PPA2: variants seen among roughly 807,000 people sequenced by gnomAD.
PPA2 encodes the protein inorganic pyrophosphatase 2, mitochondrial.
PPA2 carries 48 observed loss-of-function variants against 49.5 expected under a neutral mutation model. That is an observed-to-expected ratio of 0.97 (90% CI 0.77 to 1.23). The LOEUF (loss-of-function observed/expected upper bound fraction) is 1.23. Ranked by LOEUF, PPA2 falls within the 50% of genes most tolerant of loss-of-function variation. PPA2 has a pLI of 0.00. For synonymous variants in PPA2, 131 were observed against 139.9 expected (o/e 0.94, Z 0.45); for missense variants, 429 against 410.1 (o/e 1.05, Z -0.40).
At chr4:105,415,509 C>G (rs1408123532) in intron 7 of PPA2, among the ~76,000 whole-genome samples, 2 of 152,168 alleles carry the variant, frequency 1.3e-5, no homozygotes, top group Non-Finnish European at 1.5e-5. Flanking sequence ...TGGGGAGAGG[C>G]CAGGCAGCAG....
chr4:105,416,279 T>C (rs991412519), intron 7 of PPA2, among the ~76,000 whole-genome samples: 1 of 152,192 alleles, frequency 6.6e-6, no homozygotes, highest in African/African-American at 2.4e-5. Context: ...GAAGAAAGCA[T>C]ACAATCGGCT....
intron 9 of PPA2, among the ~76,000 whole-genome samples, chr4:105,392,017 A>C (rs189951360): frequency 4.0e-5 from 5 of 125,320 alleles, no homozygotes; most frequent in Admixed American, 4.0e-4. Flanking sequence ...AGATGGATCA[A>C]AATAAATAAT....
At position 105,396,346 on chromosome 4, in the gene PPA2, C is replaced by A; in HGVS notation, c.784-12G>T. 1.4e-6 allele frequency: 2 copies of A among 1,451,176 alleles called. No homozygotes were observed. Among genetic ancestry groups the A allele is most frequent in the Non-Finnish European group, 1.8e-6 (2 of 1,090,684 alleles). The allele number at this position is 1,451,176 out of a possible 1,614,324, so 89.9% of individuals were successfully genotyped here. A position where few individuals can be genotyped will look rare whatever the true frequency, so the allele number is the denominator to read the frequency against. ...TCAAGAGCAAAAGCCTAGCTCCAAACAAACAAATAAAAAAAGACGTATTTA... is the reference window on the plus strand; with the variant it reads ...TCAAGAGCAAAAGCCTAGCTCCAAAAAAACAAATAAAAAAAGACGTATTTA... On this transcript the variant is annotated splice_polypyrimidine_tract_variant and intron_variant, in intron 8 of 11. Transcript: ENST00000341695.
At chr4:105,455,632 A>C (rs547568248) in intron 2 of PPA2, among the ~76,000 whole-genome samples, 3 of 152,364 alleles carry the variant, frequency 2.0e-5, no homozygotes, top group Admixed American at 6.5e-5. Flanking sequence ...AGCACTTGAT[A>C]AATTATTGAT....
At chr4:105,409,642 G>C (rs951152211) in intron 7 of PPA2, among the ~76,000 whole-genome samples, 47 of 152,200 alleles carry the variant, frequency 3.1e-4, no homozygotes, top group Admixed American at 3.1e-3. Flanking sequence ...CCCAGTAGGG[G>C]CCGACAGACA....
At position 105,437,991 on chromosome 4, in the gene PPA2, C is replaced by T; in HGVS notation, c.487G>A (p.Gly163Arg). The change falls in exon 6 of 12, where the codon GGA becomes AGA. Residue 163 changes from glycine (G) to arginine (R), a missense_variant. Gly to Arg is a moderately radical substitution (Grantham distance 125, BLOSUM62 -2). Coordinates refer to ENST00000341695, the MANE Select transcript of PPA2 (RefSeq NM_176869.3). The stretch of plus-strand genomic sequence containing the variant: ...CAAACATCAATAGGATCATTATCTC[C>T]AAAGCAGTTCGTGCTCTTATCTTTT... ...HEKDKSTNCF[G>R]DNDPIDVCEI... is the part of the protein sequence containing the mutation. The T allele has an allele frequency of 6.2e-7, 1 of 1,609,718 alleles. No individual in the cohort carries two copies. Among genetic ancestry groups the T allele is most frequent in the Non-Finnish European group, 8.5e-7 (1 of 1,178,878 alleles).
intron 1 of PPA2, among the ~76,000 whole-genome samples, chr4:105,465,185 C>T (rs570975322): frequency 2.6e-5 from 4 of 152,198 alleles, no homozygotes; most frequent in Non-Finnish European, 4.4e-5. Flanking sequence ...ATAATTCTTA[C>T]ACTCAGGTGT....
chr4:105,400,529 A>T (rs1182647168), intron 7 of PPA2, among the ~76,000 whole-genome samples: 1 of 152,116 alleles, frequency 6.6e-6, no homozygotes, highest in Non-Finnish European at 1.5e-5. Flanking sequence ...GCTACTCAGG[A>T]GGCTGAGGCA....
chr4:105,453,531 A>G, intron 3 of PPA2, 67 bp downstream of exon 3: 1 of 1,196,752 alleles, frequency 8.4e-7, no homozygotes, highest in Admixed American at 2.6e-5. Context: ...ACAAATGCAA[A>G]CTATCATCAA....
intron 6 of PPA2, among the ~76,000 whole-genome samples, chr4:105,426,307 C>T (rs575238686): frequency 2.0e-5 from 3 of 152,146 alleles, no homozygotes; most frequent in Non-Finnish European, 4.4e-5. Flanking sequence ...AACTGAGGTA[C>T]CTGGTTCATC....
chr4:105,437,169 G>A (rs868596268), intron 6 of PPA2, among the ~76,000 whole-genome samples: 1 of 152,058 alleles, frequency 6.6e-6, no homozygotes, highest in Non-Finnish European at 1.5e-5. Flanking sequence ...AATATAAGTG[G>A]CCAAGAAACA....
rs530185190 is a variant in PPA2 at position 105,405,276 on chromosome 4, T to G, written c.656-6112A>C. ...AACATATATAAAAAGTATCTAGGTA[T>G]ACATATATACACATACACATGCATA... On this transcript the variant is annotated intron_variant, in intron 7 of 11. Transcript: ENST00000341695. 272 of 726,494 alleles carry G rather than the reference T, an allele frequency of 3.7e-4. No homozygotes were observed. The African/African-American group carries it at 5.0e-3, about 13-fold the overall frequency. The allele number at this position is 726,494 out of a possible 1,614,324, so 45.0% of individuals were successfully genotyped here.
upstream of PPA2, chr4:105,474,067 C>T (rs777178050): frequency 1.3e-6 from 2 of 1,532,574 alleles, no homozygotes; most frequent in Non-Finnish European, 1.8e-6. Context: ...AATGACGGTC[C>T]TGCTGTGCGC....
At chr4:105,411,724 C>T (rs1019553032) in intron 7 of PPA2, among the ~76,000 whole-genome samples, 1 of 152,140 alleles carries the variant, frequency 6.6e-6, no homozygotes, top group Non-Finnish European at 1.5e-5. Context: ...CTTAAGCTGA[C>T]AAGCAACTTT....
intron 7 of PPA2, among the ~76,000 whole-genome samples, chr4:105,412,972 C>T (rs1191036165): frequency 6.6e-6 from 1 of 152,150 alleles, no homozygotes; most frequent in Non-Finnish European, 1.5e-5. Context: ...ACCCAGAGAT[C>T]CCATTACTGG....
At chr4:105,448,554 G>T (rs1281626192) in intron 4 of PPA2, among the ~76,000 whole-genome samples, 1 of 150,232 alleles carries the variant, frequency 6.7e-6, no homozygotes, top group Non-Finnish European at 1.5e-5. Flanking sequence ...AGTTCTTATA[G>T]GTTCATTTCC....
At position 105,474,029 on chromosome 4, in the gene PPA2, G is replaced by A. The variant is rs201219272; in HGVS notation, c.22C>T (p.Leu8=). 3.1e-6 allele frequency: 5 copies of A among 1,592,624 alleles called. No homozygotes were observed. The Admixed American group carries it at 6.9e-5, about 22-fold the overall frequency. Residue 8 remains leucine, a synonymous_variant, in exon 1 of 12, where the codon CTG becomes TTG. Coordinates refer to ENST00000341695, the MANE Select transcript of PPA2 (RefSeq NM_176869.3). ...GCAGCGGCTGGGGCACCCGTGCGCA[G>A]CAGCCGCAGCAGCGCGCTCATGGCG... MSALLRL[L]RTGAPAAACL...
At chr4:105,378,543 T>G (rs1034979412) in intron 10 of PPA2, among the ~76,000 whole-genome samples, 1 of 152,138 alleles carries the variant, frequency 6.6e-6, no homozygotes, top group East Asian at 1.9e-4. Flanking sequence ...TGTAGCTTCT[T>G]TTCATTCTCC....
intron 7 of PPA2, among the ~76,000 whole-genome samples, chr4:105,404,130 C>A (rs868443683): frequency 1.3e-5 from 2 of 151,588 alleles, no homozygotes; most frequent in Non-Finnish European, 2.9e-5. Context: ...AGTATGAGAC[C>A]TATTTAATCT....
Sources: gnomAD v4.1 joint callset for allele counts (sites outside exome capture counted in the v4.1 genomes callset) on GRCh38, gnomAD v4.1.1 for gene constraint, MANE v1.5 for transcripts, NCBI Gene and HGNC (gene_info 2026-07-23, HGNC 2026-07-21) for gene names.